Variants in ZNF385D observed in about 807,000 individuals in gnomAD.
ZNF385D encodes zinc finger protein 385D.
Under a neutral mutation model 35.8 loss-of-function variants are expected in ZNF385D, and 15 were observed. The observed-to-expected ratio is 0.42, with a 90% CI of 0.28 to 0.64. The LOEUF (loss-of-function observed/expected upper bound fraction) is 0.64, where lower values mean the gene tolerates loss of function less well. Among genes scored for constraint, ZNF385D ranks in the 30% least tolerant of loss-of-function variants. The probability of loss-of-function intolerance (pLI) is 0.23; values close to 1 mark genes in which losing one functional copy is unlikely to be tolerated. For missense variants in ZNF385D, 474 were observed against 494.6 expected, an observed-to-expected ratio of 0.96 and a Z score of 0.39; for synonymous variants, 212 against 186.8, an observed-to-expected ratio of 1.13 and a Z score of -1.10.
At chr3:22,342,842 T>G (rs890037726) in intron 2 of ZNF385D, among the ~76,000 whole-genome samples, 1 of 152,200 alleles carries the variant, frequency 6.6e-6, no homozygotes, top group Non-Finnish European at 1.5e-5. Flanking sequence ...CCAAGAGACC[T>G]CAATCTCAAA....
chr3:22,137,926 G>A lies in ZNF385D; in HGVS notation c.325+30891C>T, dbSNP rs1010372964. ...GATTGTATATCTAGAAAACCCCATC[G>A]TCTCAGCCCAAAATCTCCTTAAGCT... On this transcript the variant is annotated intron_variant, in intron 3 of 5. Transcript: ENST00000494108. 7.8e-4 allele frequency among the ~76,000 whole-genome samples: 118 copies of A among 152,136 alleles called. 2 individuals are homozygous for A. The highest frequency in any genetic ancestry group is 1.4e-3 in the Non-Finnish European group (97 of 67,994).
intron 3 of ZNF385D, among the ~76,000 whole-genome samples, chr3:21,832,714 T>C (rs1026036493): frequency 2.0e-5 from 3 of 152,322 alleles, no homozygotes; most frequent in South Asian, 2.1e-4. Flanking sequence ...GGCATTTAAA[T>C]GGAAACTGTC....
intron 2 of ZNF385D, among the ~76,000 whole-genome samples, chr3:22,272,181 C>T (rs1304806329): frequency 6.6e-6 from 1 of 152,030 alleles, no homozygotes; most frequent in Non-Finnish European, 1.5e-5. Context: ...CCAGTAATAA[C>T]GACGCCACGA....
At chr3:22,344,593 T>C (rs1294428433) in intron 2 of ZNF385D, among the ~76,000 whole-genome samples, 1 of 152,034 alleles carries the variant, frequency 6.6e-6, no homozygotes, top group Non-Finnish European at 1.5e-5. Context: ...TTTGTTTTTT[T>C]GTATTTTTTG....
chr3:21,940,168 G>A (rs1024882368), intron 3 of ZNF385D, among the ~76,000 whole-genome samples: 2 of 151,980 alleles, frequency 1.3e-5, no homozygotes, highest in African/African-American at 2.4e-5. Context: ...GAACTATGAC[G>A]GTGTCTACTG....
intron 3 of ZNF385D, among the ~76,000 whole-genome samples, chr3:22,002,160 G>A (rs766203346): frequency 3.3e-5 from 5 of 151,014 alleles, no homozygotes; most frequent in Non-Finnish European, 5.9e-5. Context: ...ATGAAAAGTT[G>A]ATTTTCAGAA....
intron 2 of ZNF385D, among the ~76,000 whole-genome samples, chr3:22,310,708 G>A (rs1703492215): frequency 4.6e-5 from 7 of 151,286 alleles, no homozygotes; most frequent in Admixed American, 4.0e-4. Context: ...TTCCTTTAAC[G>A]CCCTCAAAAT....
chr3:21,605,276 C>G (rs2064443545), intron 2 of ZNF385D, among the ~76,000 whole-genome samples: 1 of 151,998 alleles, frequency 6.6e-6, no homozygotes, highest in Non-Finnish European at 1.5e-5. Flanking sequence ...GGTAAAGATA[C>G]CAAAAGAAAG....
At chr3:21,815,626 C>G (rs933983977) in intron 3 of ZNF385D, among the ~76,000 whole-genome samples, 1 of 152,106 alleles carries the variant, frequency 6.6e-6, no homozygotes, top group Admixed American at 6.5e-5. Flanking sequence ...CAAGACTAAA[C>G]CAGGAAGAAG....
chr3:22,309,478 G>T (rs540353145), intron 2 of ZNF385D, among the ~76,000 whole-genome samples: 1 of 151,942 alleles, frequency 6.6e-6, no homozygotes, highest in African/African-American at 2.4e-5. Context: ...TTTTTGTCTC[G>T]ACTATATAGA....
intron 2 of ZNF385D, among the ~76,000 whole-genome samples, chr3:22,275,607 T>C (rs1318926956): frequency 6.6e-6 from 1 of 152,142 alleles, no homozygotes; most frequent in African/African-American, 2.4e-5. Flanking sequence ...TCTAAAAGAA[T>C]CATATTTCAA....
intron 3 of ZNF385D, among the ~76,000 whole-genome samples, chr3:21,976,663 G>C (rs756261792): frequency 5.9e-5 from 9 of 152,030 alleles, no homozygotes; most frequent in Non-Finnish European, 1.0e-4. Context: ...AATATATTTT[G>C]GTACATCCAT....
chr3:22,065,529 A>G (rs1479095476), intron 3 of ZNF385D, among the ~76,000 whole-genome samples: 7 of 152,176 alleles, frequency 4.6e-5, no homozygotes. Flanking sequence ...TGAGTGTACA[A>G]TAGCATCCAG....
intron 2 of ZNF385D, among the ~76,000 whole-genome samples, chr3:22,212,254 C>T (rs1697572795): frequency 1.3e-5 from 2 of 152,040 alleles, no homozygotes; most frequent in Admixed American, 6.6e-5. Flanking sequence ...CTCCTTATCA[C>T]AGCACAGTTT....
intron 2 of ZNF385D, among the ~76,000 whole-genome samples, chr3:21,570,085 T>A (rs1300781608): frequency 6.7e-6 from 1 of 150,288 alleles, no homozygotes; most frequent in Non-Finnish European, 1.5e-5. Context: ...AAATTACACC[T>A]TAAAAAAAAA....
At chr3:21,638,804 C>T (rs2065519935) in intron 2 of ZNF385D, among the ~76,000 whole-genome samples, 1 of 152,020 alleles carries the variant, frequency 6.6e-6, no homozygotes, top group African/African-American at 2.4e-5. Context: ...TTCTGGAAGA[C>T]CTATAGTGAA....
chr3:21,909,196 G>A (rs887647088), intron 3 of ZNF385D, among the ~76,000 whole-genome samples: 27 of 127,652 alleles, frequency 2.1e-4, no homozygotes, highest in Non-Finnish European at 2.9e-4. Context: ...ATATAATACG[G>A]ATATAATACG....
chr3:21,609,454 C>T (rs556988409), intron 2 of ZNF385D, among the ~76,000 whole-genome samples: 6 of 152,280 alleles, frequency 3.9e-5, no homozygotes, highest in Middle Eastern at 6.8e-3. Context: ...CTATCCAAAT[C>T]GGGTTTTCCA....
At chr3:21,924,960 C>T (rs1281162739) in intron 3 of ZNF385D, among the ~76,000 whole-genome samples, 2 of 152,186 alleles carry the variant, frequency 1.3e-5, no homozygotes, top group Admixed American at 6.5e-5. Flanking sequence ...AAGACATATA[C>T]AGGACTTGAC....
Sources: gnomAD v4.1 joint callset for allele counts (sites outside exome capture counted in the v4.1 genomes callset) on GRCh38, gnomAD v4.1.1 for gene constraint, MANE v1.5 for transcripts, NCBI Gene and HGNC (gene_info 2026-07-23, HGNC 2026-07-21) for gene names.